Variants in NALF1 observed in about 807,000 individuals in gnomAD.
NALF1 encodes the protein NALCN channel auxiliary factor 1, also known as family with sequence similarity 155 member A.
NALF1 carries 3 observed loss-of-function variants against 48.4 expected under a neutral mutation model. That is an observed-to-expected ratio of 0.06 (90% CI 0.03 to 0.16). The LOEUF (loss-of-function observed/expected upper bound fraction) is 0.16. Among genes scored for constraint, NALF1 ranks in the 10% least tolerant of loss-of-function variants. The pLI, the probability that NALF1 is intolerant of heterozygous loss-of-function variation, is 1.00. For missense variants in NALF1, 526 were observed against 571.5 expected, an observed-to-expected ratio of 0.92 and a Z score of 0.81; for synonymous variants, 262 against 245.7, an observed-to-expected ratio of 1.07 and a Z score of -0.62.
chr13:107,776,063 T>C (rs1449338513), intron 1 of NALF1, among the ~76,000 whole-genome samples: 4 of 152,168 alleles, frequency 2.6e-5, no homozygotes, highest in Admixed American at 2.0e-4. Flanking sequence ...AAAGAGGACA[T>C]GGCATGGCCA....
chr13:107,810,770 C>T (rs571539737), intron 1 of NALF1, among the ~76,000 whole-genome samples: 1 of 152,066 alleles, frequency 6.6e-6, no homozygotes, highest in East Asian at 1.9e-4. Flanking sequence ...AAGTCTGTCC[C>T]ATCCTGTTCT....
chr13:107,563,504 CTGACACAGCAAT>C (rs1306272164), intron 1 of NALF1, among the ~76,000 whole-genome samples: 1 of 152,166 alleles, frequency 6.6e-6, no homozygotes, highest in Non-Finnish European at 1.5e-5. Context: ...TTGAGAAGCC[CTGACACAGCAAT>C]TGTATTCTTT....
At chr13:107,299,334 G>A (rs568401780) in intron 1 of NALF1, among the ~76,000 whole-genome samples, 2 of 151,860 alleles carry the variant, frequency 1.3e-5, no homozygotes, top group Non-Finnish European at 2.9e-5. Flanking sequence ...GGGAGGCTGA[G>A]GCAGGAGAAT....
chr13:107,817,789 G>T (rs749419391), intron 1 of NALF1, among the ~76,000 whole-genome samples: 2 of 152,056 alleles, frequency 1.3e-5, no homozygotes, highest in Admixed American at 1.3e-4. Flanking sequence ...TCCTCCAAAG[G>T]GCCCTCTCTT....
chr13:107,221,428 A>G (rs142495482), intron 1 of NALF1, among the ~76,000 whole-genome samples: 5,009 of 152,102 alleles, frequency 0.033, 127 homozygotes, highest in East Asian at 0.085. Flanking sequence ...AAAATTACAA[A>G]AATTAGCTGG....
rs945442938 is a variant in NALF1 at position 107,166,286 on chromosome 13, G to T, written c.*4211C>A. The stretch of plus-strand genomic sequence containing the variant: ...ATACACAAATTAGCCAGGCGTGGTG[G>T]CACAAGCCTGTAGTCCCAGCTACTC... On this transcript the variant is annotated 3_prime_UTR_variant, in exon 3 of 3. Coordinates refer to ENST00000375915, the MANE Select transcript of NALF1 (RefSeq NM_001080396.3). 1 of 152,146 alleles carries T rather than the reference G, an allele frequency of 6.6e-6. No individual in the cohort carries two copies. The allele number at this position is 152,146 out of a possible 1,614,324, so 9.4% of individuals were successfully genotyped here. A position where few individuals can be genotyped will look rare whatever the true frequency, so the allele number is the denominator to read the frequency against.
At chr13:107,657,419 T>C (rs1372664853) in intron 1 of NALF1, among the ~76,000 whole-genome samples, 1 of 152,138 alleles carries the variant, frequency 6.6e-6, no homozygotes, top group Non-Finnish European at 1.5e-5. Context: ...GTATTCTAAG[T>C]ATTTGTGCAT....
chr13:107,617,722 A>C lies in NALF1; in HGVS notation c.915+247960T>G, dbSNP rs535883063. ...TGCAAAGAAGGCAGCTGGAGAGGAA[A>C]ACAAAATAAATCACTTGTTTCAGGA... On this transcript the variant is annotated intron_variant, in intron 1 of 2. Coordinates refer to ENST00000375915, the MANE Select transcript of NALF1 (RefSeq NM_001080396.3). 2.9e-3 allele frequency among the ~76,000 whole-genome samples: 437 copies of C among 152,290 alleles called. 2 individuals carry two copies. Among genetic ancestry groups the C allele is most frequent in the Non-Finnish European group, 4.2e-3 (287 of 68,008 alleles).
At chr13:107,611,316 A>G (rs766841752) in intron 1 of NALF1, among the ~76,000 whole-genome samples, 1 of 152,212 alleles carries the variant, frequency 6.6e-6, no homozygotes, top group Admixed American at 6.5e-5. Flanking sequence ...AAATAGAATT[A>G]TCATATGATC....
At chr13:107,186,220 G>C (rs936326392) in intron 2 of NALF1, among the ~76,000 whole-genome samples, 1 of 152,126 alleles carries the variant, frequency 6.6e-6, no homozygotes, top group Non-Finnish European at 1.5e-5. Flanking sequence ...ACCGGGGGAT[G>C]CTGTAATGTA....
At chr13:107,623,173 A>C (rs1051096095) in intron 1 of NALF1, among the ~76,000 whole-genome samples, 5 of 152,178 alleles carry the variant, frequency 3.3e-5, no homozygotes, top group Non-Finnish European at 5.9e-5. Context: ...ACACATAGTC[A>C]ACTCTATATT....
At chr13:107,367,232 T>A (rs556004275) in intron 1 of NALF1, among the ~76,000 whole-genome samples, 1 of 152,254 alleles carries the variant, frequency 6.6e-6, no homozygotes, top group African/African-American at 2.4e-5. Context: ...AAAACACAAT[T>A]CAAGCATTAA....
chr13:107,622,491 G>A (rs576446298), intron 1 of NALF1, among the ~76,000 whole-genome samples: 1 of 150,990 alleles, frequency 6.6e-6, no homozygotes, highest in Admixed American at 6.6e-5. Flanking sequence ...AAAACAGAGA[G>A]AAAAGAAAAG....
intron 1 of NALF1, among the ~76,000 whole-genome samples, chr13:107,782,673 G>A (rs1322264101): frequency 6.8e-6 from 1 of 146,908 alleles, no homozygotes; most frequent in African/African-American, 2.6e-5. Flanking sequence ...GCCGGCCATC[G>A]TCTGAGATGT....
Position 107,786,742 on chromosome 13 carries a change from A to G in NALF1, c.915+78940T>C, listed in dbSNP as rs755033839. ...AGAGAAACCCCATCTCAGAAAAAAA[A>G]AGAGAGAGAGAGAAAGAGAGAGAGA... On this transcript the variant is annotated intron_variant, in intron 1 of 2. Coordinates refer to ENST00000375915, the MANE Select transcript of NALF1 (RefSeq NM_001080396.3). Among the ~76,000 whole-genome samples the G allele has an allele frequency of 7.2e-4, 109 of 150,560 alleles. 1 individual carries two copies. Among genetic ancestry groups the G allele is most frequent in the Middle Eastern group, 3.4e-3 (1 of 292 alleles).
At chr13:107,720,510 C>CAAAAAAAAAA (rs56380251) in intron 1 of NALF1, among the ~76,000 whole-genome samples, 6 of 59,844 alleles carry the variant, frequency 1.0e-4, no homozygotes, top group Non-Finnish European at 1.4e-4. Context: ...GACTGCATCT[C>CAAAAAAAAAA]AAAAAAAAAA....
At chr13:107,807,317 T>C (rs867318862) in intron 1 of NALF1, among the ~76,000 whole-genome samples, 1 of 152,178 alleles carries the variant, frequency 6.6e-6, no homozygotes, top group Non-Finnish European at 1.5e-5. Flanking sequence ...TTGTATAATA[T>C]TACTACACCT....
At chr13:107,650,394 TAA>T (rs11330259) in intron 1 of NALF1, among the ~76,000 whole-genome samples, 32 of 107,626 alleles carry the variant, frequency 3.0e-4, no homozygotes, top group African/African-American at 3.8e-4. Flanking sequence ...CTGCAACCAT[TAA>T]AAAAAAAAAA....
At chr13:107,707,435 C>G (rs1875430188) in intron 1 of NALF1, among the ~76,000 whole-genome samples, 1 of 152,188 alleles carries the variant, frequency 6.6e-6, no homozygotes, top group African/African-American at 2.4e-5. Context: ...GATGATGTCT[C>G]TCCTACCTCT....
Sources: gnomAD v4.1 joint callset for allele counts (sites outside exome capture counted in the v4.1 genomes callset) on GRCh38, gnomAD v4.1.1 for gene constraint, MANE v1.5 for transcripts, NCBI Gene and HGNC (gene_info 2026-07-23, HGNC 2026-07-21) for gene names.